The following ZNF462 variants were observed in gnomAD, a reference collection of about 807,000 sequenced individuals.
ZNF462 encodes the protein zinc finger protein 462.
ZNF462 carries 10 observed loss-of-function variants against 201.9 expected under a neutral mutation model. The ratio of observed to expected loss-of-function variants is 0.05; its 90% confidence interval spans 0.03 to 0.08. The LOEUF is 0.08. Among genes scored for constraint, ZNF462 ranks in the 10% least tolerant of loss-of-function variants. The pLI is 1.00. For synonymous variants in ZNF462, 1,227 were observed against 1,193.3 expected, an observed-to-expected ratio of 1.03 and a Z score of -0.58; for missense variants, 2,523 against 3,168.3, an observed-to-expected ratio of 0.80 and a Z score of 4.89.
In ZNF462 at chr9:106,993,204, A is replaced by G. The variant is rs1179502603; in HGVS notation, c.7056+8795A>G. Among the ~76,000 whole-genome samples, 3 of 152,190 alleles carry G rather than the reference A, an allele frequency of 2.0e-5. No homozygotes were observed. Among genetic ancestry groups the G allele is most frequent in the Admixed American group, 6.5e-5 (1 of 15,272 alleles). On this transcript the variant is annotated intron_variant, in intron 10 of 12. Transcript: ENST00000277225. This position sits in a 1 kb window ranked among gnomAD's most constrained non-coding sequence, Gnocchi z 4.0. The stretch of plus-strand genomic sequence containing the variant: ...CTGGACTTCTGAATTCTGCCTGCAA[A>G]GGTTATAAACCTCAGGAACATCTGT...
chr9:107,000,603 T>C (rs942332701), intron 10 of ZNF462, among the ~76,000 whole-genome samples: 17 of 152,332 alleles, frequency 1.1e-4, no homozygotes, highest in African/African-American at 4.1e-4. Context: ...AAAATTTTAG[T>C]TCTCATTTTT....
Position 106,932,949 on chromosome 9 carries a change from G to A in ZNF462, c.6116+400G>A, listed in dbSNP as rs972178039. The stretch of plus-strand genomic sequence containing the variant: ...GGTAAAATTAGGACTATTAACCCAT[G>A]TGACCAAAGAAACATTGCTTGCAAT... On this transcript the variant is annotated intron_variant, in intron 5 of 12. Transcript: ENST00000277225. The surrounding 1 kb of genome is among the most constrained non-coding windows in gnomAD (Gnocchi z 6.8). The A allele has an allele frequency of 3.8e-6, 1 of 260,022 alleles. No homozygotes were observed. The highest frequency in any genetic ancestry group is 7.3e-6 in the Non-Finnish European group (1 of 136,214). 16.1% of individuals were successfully genotyped at this position (260,022 alleles called of 1,614,324 possible).
chr9:106,890,542 C>T lies in ZNF462; in HGVS notation c.-31+27187C>T, dbSNP rs530384314. 6.6e-6 allele frequency among the ~76,000 whole-genome samples: 1 copy of T among 152,170 alleles called. No homozygotes were observed. The highest frequency in any genetic ancestry group is 1.9e-4 in the East Asian group (1 of 5,194). ...TACACTTGGATGATGTAGTTAGGCTCAACTCCATTTGTAGTGAGAAACATT... is the reference window on the plus strand; with the variant it reads ...TACACTTGGATGATGTAGTTAGGCTTAACTCCATTTGTAGTGAGAAACATT... On this transcript the variant is annotated intron_variant, in intron 1 of 12. Coordinates refer to ENST00000277225, the MANE Select transcript of ZNF462 (RefSeq NM_021224.6). The surrounding 1 kb of genome is among the most constrained non-coding windows in gnomAD (Gnocchi z 4.2).
At chr9:106,879,510 A>G (rs1185168952) in intron 1 of ZNF462, among the ~76,000 whole-genome samples, 1 of 152,102 alleles carries the variant, frequency 6.6e-6, no homozygotes, top group Non-Finnish European at 1.5e-5. Flanking sequence ...GGGCGGGCAA[A>G]GGAAAGAGTT....
chr9:106,888,144 C>G (rs1828407667), intron 1 of ZNF462, among the ~76,000 whole-genome samples: 1 of 152,170 alleles, frequency 6.6e-6, no homozygotes, highest in South Asian at 2.1e-4. Flanking sequence ...CGGGTTCACG[C>G]CGTTCTCCCG....
chr9:106,943,215 A>C (rs1830963505), intron 7 of ZNF462, among the ~76,000 whole-genome samples: 1 of 152,108 alleles, frequency 6.6e-6, no homozygotes, highest in African/African-American at 2.4e-5. Flanking sequence ...GATATTGTGA[A>C]TTAATAGAAA....
rs1199446713 is a variant in ZNF462, at chr9:106,984,522, CAA to C, written c.7056+115_7056+116del. The C allele has an allele frequency of 3.7e-6, 3 of 821,824 alleles. No homozygotes were observed. Among genetic ancestry groups the C allele is most frequent in the East Asian group, 2.6e-5 (1 of 38,480 alleles). The allele number at this position is 821,824 out of a possible 1,614,324, so 50.9% of individuals were successfully genotyped here. A position where few individuals can be genotyped will look rare whatever the true frequency, so the allele number is the denominator to read the frequency against. ...TGTGTACCAGATGGAGATGTGGACTCAAAGAGCTTTTAAAGTGAGGTCTAGTT... is the reference window on the plus strand; with the variant it reads ...TGTGTACCAGATGGAGATGTGGACTCAGAGCTTTTAAAGTGAGGTCTAGTT... On this transcript the variant is annotated intron_variant, in intron 10 of 12. Coordinates refer to ENST00000277225, the MANE Select transcript of ZNF462 (RefSeq NM_021224.6). The surrounding 1 kb of genome is among the most constrained non-coding windows in gnomAD (Gnocchi z 6.4).
Position 107,003,314 on chromosome 9 carries a change from G to T in ZNF462, c.7077G>T (p.Leu2359=). 1 of 1,613,772 alleles carries T rather than the reference G, an allele frequency of 6.2e-7. No homozygotes were observed. The highest frequency in any genetic ancestry group is 8.5e-7 in the Non-Finnish European group (1 of 1,179,776). The change falls in exon 11 of 13, where the codon CTG becomes CTT. Residue 2359 remains leucine, a synonymous_variant. Coordinates refer to ENST00000277225, the MANE Select transcript of ZNF462 (RefSeq NM_021224.6). This position sits in a 1 kb window ranked among gnomAD's most constrained non-coding sequence, Gnocchi z 4.4. ...DEHKVSRNFE[L]VGRVNLDQLE... ...TTCAGGTAAGCCGTAACTTTGAGCT[G>T]GTTGGACGGGTTAACTTGGATCAGC...
rs915937775 is a variant in ZNF462 at position 106,963,261 on chromosome 9, A to G, written c.6428-8744A>G. Among the ~76,000 whole-genome samples, 5 of 152,090 alleles carry G rather than the reference A, an allele frequency of 3.3e-5. No individual in the cohort carries two copies. Among genetic ancestry groups the G allele is most frequent in the Non-Finnish European group, 5.9e-5 (4 of 67,982 alleles). ...AGGAATTCGGATAGAACCGAGAACAATTTTTTAAATCAGCAGACTTCTTGA... is the reference window on the plus strand; with the variant it reads ...AGGAATTCGGATAGAACCGAGAACAGTTTTTTAAATCAGCAGACTTCTTGA... On this transcript the variant is annotated intron_variant, in intron 7 of 12. Coordinates refer to ENST00000277225, the MANE Select transcript of ZNF462 (RefSeq NM_021224.6). This position sits in a 1 kb window ranked among gnomAD's most constrained non-coding sequence, Gnocchi z 4.7.
Position 106,935,070 on chromosome 9 carries a change from T to C in ZNF462, c.6117-433T>C, listed in dbSNP as rs1334779096. On this transcript the variant is annotated intron_variant, in intron 5 of 12. Coordinates refer to ENST00000277225, the MANE Select transcript of ZNF462 (RefSeq NM_021224.6). This position sits in a 1 kb window ranked among gnomAD's most constrained non-coding sequence, Gnocchi z 4.1. ...ATTAGAATTCAAAAAGAAAGTCAGC[T>C]CTTTTCAAATGCTAAATTTCTCTAA... Among the ~76,000 whole-genome samples the C allele has an allele frequency of 6.6e-6, 1 of 152,210 alleles. No individual in the cohort carries two copies. Among genetic ancestry groups the C allele is most frequent in the Non-Finnish European group, 1.5e-5 (1 of 68,036 alleles).
chr9:107,002,402 C>T (rs1303677070), intron 10 of ZNF462, among the ~76,000 whole-genome samples: 1 of 152,168 alleles, frequency 6.6e-6, no homozygotes, highest in Non-Finnish European at 1.5e-5. Context: ...TAGCCCTGCA[C>T]CAGCTTGTCA....
rs763519482 is a variant in ZNF462 at position 106,929,188 on chromosome 9, A to G, written c.5276A>G (p.Glu1759Gly). ...GACGACTCCCCTCAGCTGAGCGAGGAACTCCGGCGGGCAGTGGAGAAGAAA... is the reference window on the plus strand; with the variant it reads ...GACGACTCCCCTCAGCTGAGCGAGGGACTCCGGCGGGCAGTGGAGAAGAAA... ...PKDDSPQLSE[E>G]LRRAVEKKKC... The change falls in exon 3 of 13, where the codon GAA becomes GGA. Residue 1759 changes from glutamate to glycine, a missense_variant. Coordinates refer to ENST00000277225, the MANE Select transcript of ZNF462 (RefSeq NM_021224.6). The surrounding 1 kb of genome is among the most constrained non-coding windows in gnomAD (Gnocchi z 8.7). 1.2e-6 allele frequency: 2 copies of G among 1,614,160 alleles called. No individual in the cohort carries two copies. Among genetic ancestry groups the G allele is most frequent in the South Asian group, 2.2e-5 (2 of 91,082 alleles).
At chr9:106,914,074 G>GA (rs1414070505) in intron 1 of ZNF462, among the ~76,000 whole-genome samples, 4 of 146,606 alleles carry the variant, frequency 2.7e-5, no homozygotes, top group Non-Finnish European at 6.0e-5. Context: ...ACCCAAATTA[G>GA]AAAAATAAAA....
chr9:106,949,075 A>G lies in ZNF462; in HGVS notation c.6427+9968A>G, dbSNP rs1378875588. Among the ~76,000 whole-genome samples the G allele has an allele frequency of 2.0e-5, 3 of 152,336 alleles. No individual in the cohort carries two copies. In the East Asian group the frequency reaches 5.8e-4, roughly 29 times the overall value. On this transcript the variant is annotated intron_variant, in intron 7 of 12. Transcript: ENST00000277225. ...TAAAAGACAAAAATCAAGATTACAG[A>G]CTGCCTAGACTGTTCAGAGTAATGG...
intron 9 of ZNF462, among the ~76,000 whole-genome samples, chr9:106,980,658 A>G (rs541461421): frequency 2.5e-4 from 38 of 152,222 alleles, no homozygotes; most frequent in East Asian, 5.8e-4. Context: ...CTCGGGCCCA[A>G]CCTCTTCGGT....
intron 10 of ZNF462, among the ~76,000 whole-genome samples, chr9:107,001,076 T>C (rs1193962958): frequency 6.6e-6 from 1 of 152,154 alleles, no homozygotes; most frequent in Non-Finnish European, 1.5e-5. Flanking sequence ...TTTACACGTA[T>C]TTATAGTTTC....
At chr9:106,875,201 TTAG>T (rs2130871167) in intron 1 of ZNF462, among the ~76,000 whole-genome samples, 1 of 152,336 alleles carries the variant, frequency 6.6e-6, no homozygotes, top group African/African-American at 2.4e-5. Context: ...TTCCCCCATC[TTAG>T]TAGAAAGGTC....
At position 106,937,499 on chromosome 9, in the gene ZNF462, T is replaced by C. The variant is rs930873688; in HGVS notation, c.6236-1417T>C. Among the ~76,000 whole-genome samples the C allele has an allele frequency of 7.0e-4, 107 of 152,158 alleles. 1 individual carries two copies. The highest frequency in any genetic ancestry group is 4.8e-3 in the Admixed American group (74 of 15,266). The stretch of plus-strand genomic sequence containing the variant: ...AAAACTTTATGATTCTGTTTTCTCT[T>C]TTTTCTTCTCTGAGTTTTAAATGTC... On this transcript the variant is annotated intron_variant, in intron 6 of 12. Coordinates refer to ENST00000277225, the MANE Select transcript of ZNF462 (RefSeq NM_021224.6).
chr9:106,891,322 A>G (rs533563909), intron 1 of ZNF462, among the ~76,000 whole-genome samples: 1 of 152,246 alleles, frequency 6.6e-6, no homozygotes, highest in South Asian at 2.1e-4. Flanking sequence ...ATTTTTATTC[A>G]TGTCTGCGTT....
Sources: allele counts gnomAD v4.1 joint callset (sites outside exome capture counted in the v4.1 genomes callset), GRCh38; gene constraint gnomAD v4.1.1; non-coding constraint Gnocchi (gnomAD v3.1); transcripts MANE v1.5; gene names NCBI Gene and HGNC (gene_info 2026-07-23, HGNC 2026-07-21).